NREP: variants seen among roughly 807,000 people sequenced by gnomAD.
NREP encodes the protein neuronal regeneration-related protein.
NREP carries 5 observed loss-of-function variants against 8.6 expected under a neutral mutation model. The ratio of observed to expected loss-of-function variants is 0.58; its 90% CI spans 0.30 to 1.22. The LOEUF is 1.22. NREP is among the 50% of genes most tolerant of loss of function. The probability of loss-of-function intolerance (pLI) is 0.07; values close to 1 mark genes in which losing one functional copy is unlikely to be tolerated. For missense variants in NREP, 86 were observed against 82.5 expected (o/e 1.04, Z -0.17); for synonymous variants, 27 against 28.0 (o/e 0.96, Z 0.11).
chr5:111,739,688 A>T (rs747087599), intron 2 of NREP: 7 of 152,096 alleles, frequency 4.6e-5, no homozygotes, highest in Admixed American at 2.0e-4. Context: ...TGTGTTTTTC[A>T]TGAAGGCCAA....
intron 2 of NREP, among the ~76,000 whole-genome samples, chr5:111,744,335 G>A (rs1367224211): frequency 6.6e-6 from 1 of 152,100 alleles, no homozygotes; most frequent in Non-Finnish European, 1.5e-5. Flanking sequence ...ACTAAATTTG[G>A]AGGGAAAGTG....
In NREP at chr5:111,735,517, C is replaced by T. The variant is rs1183760529; in HGVS notation, c.4-10G>A. ...GTTCTGGGTAATAAACCTATAGAGA[C>T]ACAAAAGCATACACATTCAGATTAA... On this transcript the variant is annotated splice_polypyrimidine_tract_variant and intron_variant, in intron 2 of 3. Coordinates refer to ENST00000257435, the MANE Select transcript of NREP (RefSeq NM_004772.4). The T allele has an allele frequency of 1.7e-5, 27 of 1,598,338 alleles. No individual in the cohort carries two copies. Among genetic ancestry groups the T allele is most frequent in the Non-Finnish European group, 2.2e-5 (26 of 1,166,926 alleles).
At chr5:111,938,569 A>G (rs947525910) in intron 2 of NREP, among the ~76,000 whole-genome samples, 5 of 152,084 alleles carry the variant, frequency 3.3e-5, no homozygotes, top group African/African-American at 1.2e-4. Context: ...GACATGGCCT[A>G]GTTTGCATTT....
chr5:111,823,625 CT>C (rs1203492808), intron 2 of NREP, among the ~76,000 whole-genome samples: 1 of 152,100 alleles, frequency 6.6e-6, no homozygotes, highest in Non-Finnish European at 1.5e-5. Context: ...CTAGGATTGT[CT>C]ATAATTTTAT....
At chr5:111,944,031 ATTTG>A (rs1465331581) in intron 2 of NREP, among the ~76,000 whole-genome samples, 1 of 152,016 alleles carries the variant, frequency 6.6e-6, no homozygotes, top group African/African-American at 2.4e-5. Flanking sequence ...CCCTAGTTTA[ATTTG>A]TTTATGTTTC....
chr5:111,974,095 A>G (rs1479832679), intron 2 of NREP, among the ~76,000 whole-genome samples: 1 of 152,254 alleles, frequency 6.6e-6, no homozygotes. Flanking sequence ...GAGTTCTCTC[A>G]TTTTGCCTTC....
chr5:111,952,680 T>C (rs1756194088), intron 2 of NREP, among the ~76,000 whole-genome samples: 1 of 152,096 alleles, frequency 6.6e-6, no homozygotes, highest in Non-Finnish European at 1.5e-5. Flanking sequence ...GTAAAGGCTG[T>C]TGATCTAAGG....
intron 2 of NREP, among the ~76,000 whole-genome samples, chr5:111,902,885 A>G (rs549107674): frequency 1.2e-4 from 19 of 152,056 alleles, no homozygotes; most frequent in African/African-American, 4.1e-4. Flanking sequence ...CTGTAAAGGC[A>G]CCCATTTTTC....
chr5:111,832,258 C>T (rs1470405196), intron 2 of NREP, among the ~76,000 whole-genome samples: 1 of 152,046 alleles, frequency 6.6e-6, no homozygotes, highest in Non-Finnish European at 1.5e-5. Context: ...TGGCTCAACC[C>T]TGTAATCCTA....
intron 2 of NREP, among the ~76,000 whole-genome samples, chr5:111,932,242 C>A (rs528612026): frequency 2.0e-5 from 3 of 152,036 alleles, no homozygotes; most frequent in Non-Finnish European, 2.9e-5. Context: ...ATAAAAATAC[C>A]TATGAGCATT....
chr5:111,917,359 T>A (rs1421648677), intron 2 of NREP, among the ~76,000 whole-genome samples: 2 of 152,166 alleles, frequency 1.3e-5, no homozygotes, highest in African/African-American at 2.4e-5. Context: ...ACTCATTTTA[T>A]GAGGCCAGCA....
intron 3 of NREP, chr5:111,732,493 C>G (rs1748682089): frequency 6.6e-6 from 1 of 151,822 alleles, no homozygotes; most frequent in Non-Finnish European, 1.5e-5. Context: ...GTTTTGGTAT[C>G]ATTAAATACC....
chr5:111,883,454 A>G (rs1312312351), intron 2 of NREP, among the ~76,000 whole-genome samples: 8 of 152,204 alleles, frequency 5.3e-5, no homozygotes, highest in Non-Finnish European at 7.4e-5. Context: ...AATTGAACTC[A>G]GCTCTGCACC....
intron 2 of NREP, among the ~76,000 whole-genome samples, chr5:111,791,035 T>G (rs1751733964): frequency 6.6e-6 from 1 of 152,186 alleles, no homozygotes; most frequent in Non-Finnish European, 1.5e-5. Context: ...CCGAGTATAC[T>G]GAAAGAGGAC....
At position 111,730,631 on chromosome 5, in the gene NREP, T is replaced by G; in HGVS notation, c.*290A>C. On this transcript the variant is annotated 3_prime_UTR_variant, in exon 4 of 4. Coordinates refer to ENST00000257435, the MANE Select transcript of NREP (RefSeq NM_004772.4). ...ACCGGTTGTGTGAGCGCGGTGGGAG[T>G]TTGAGTTGTGGAAGACATTGTTGTA... 12 of 227,076 alleles carry G rather than the reference T, an allele frequency of 5.3e-5. No individual in the cohort carries two copies. The highest frequency in any genetic ancestry group is 1.2e-4 in the South Asian group (1 of 8,004). 14.1% of individuals were successfully genotyped at this position (227,076 alleles called of 1,614,324 possible).
intron 2 of NREP, among the ~76,000 whole-genome samples, chr5:111,946,011 G>A (rs1269512231): frequency 6.6e-6 from 1 of 151,650 alleles, no homozygotes; most frequent in African/African-American, 2.4e-5. Context: ...AGGAGCATGT[G>A]AGCCCTACCT....
chr5:111,954,243 T>C (rs1756248181), intron 2 of NREP, among the ~76,000 whole-genome samples: 1 of 152,160 alleles, frequency 6.6e-6, no homozygotes, highest in Non-Finnish European at 1.5e-5. Flanking sequence ...TTATATTTTA[T>C]GCCCATATCC....
chr5:111,957,720 CAT>C (rs781144038), intron 2 of NREP, among the ~76,000 whole-genome samples: 2 of 151,204 alleles, frequency 1.3e-5, no homozygotes, highest in Non-Finnish European at 3.0e-5. Context: ...CACACACACA[CAT>C]ATATATCTGT....
intron 2 of NREP, among the ~76,000 whole-genome samples, chr5:111,965,998 C>T (rs1756634498): frequency 6.6e-6 from 1 of 152,164 alleles, no homozygotes; most frequent in Admixed American, 6.5e-5. Flanking sequence ...TGTGAATGGC[C>T]TCCCTCTAAG....
Sources: gnomAD v4.1 joint callset for allele counts (sites outside exome capture counted in the v4.1 genomes callset) on GRCh38, gnomAD v4.1.1 for gene constraint, MANE v1.5 for transcripts, NCBI Gene and HGNC (gene_info 2026-07-23, HGNC 2026-07-21) for gene names.